The following TMEM116 variants were observed in gnomAD, a reference collection of about 807,000 sequenced individuals.
TMEM116 encodes transmembrane protein 116.
TMEM116 carries 38 observed loss-of-function variants against 44.3 expected under a neutral mutation model. The observed-to-expected ratio is 0.86, with a 90% CI of 0.66 to 1.12. The LOEUF is 1.12. Among genes scored for constraint, TMEM116 ranks in the 50% most tolerant of loss-of-function variants. The pLI is 0.00. For missense variants in TMEM116, 354 were observed against 401.7 expected (o/e 0.88, Z 1.01); for synonymous variants, 132 against 144.8 (o/e 0.91, Z 0.64).
Position 111,940,334 on chromosome 12 carries a change from A to C in TMEM116, c.316-2124T>G, listed in dbSNP as rs145681917. Among the ~76,000 whole-genome samples the C allele has an allele frequency of 4.7e-3, 703 of 150,144 alleles. 7 individuals carry two copies. The highest frequency in any genetic ancestry group is 0.016 in the African/African-American group (643 of 41,102). On this transcript the variant is annotated intron_variant, in intron 5 of 10. Coordinates refer to ENST00000552374, the MANE Select transcript of TMEM116 (RefSeq NM_001193531.2). ...TCTTCATATATATATATCTATACAT[A>C]TAAAATACTTTTTCCTCTTTGGGTT...
chr12:111,990,176 A>G (rs1457401484), intron 4 of TMEM116, among the ~76,000 whole-genome samples: 1 of 151,188 alleles, frequency 6.6e-6, no homozygotes, highest in Admixed American at 6.6e-5. Flanking sequence ...AATGGTGTGA[A>G]CCCGGGAGGT....
chr12:111,937,529 AAGTGAGTC>A (rs2072261173), intron 6 of TMEM116, among the ~76,000 whole-genome samples: 1 of 152,210 alleles, frequency 6.6e-6, no homozygotes, highest in African/African-American at 2.4e-5. Context: ...ATAAAAATGC[AAGTGAGTC>A]AGAGTGAAAG....
intron 4 of TMEM116, among the ~76,000 whole-genome samples, chr12:111,970,248 C>T (rs1009664593): frequency 1.3e-5 from 2 of 151,278 alleles, no homozygotes; most frequent in African/African-American, 4.9e-5. Context: ...CATGCCACTA[C>T]CCTACACCCT....
intron 4 of TMEM116, among the ~76,000 whole-genome samples, chr12:111,971,441 A>C (rs1483578095): frequency 6.6e-6 from 1 of 152,082 alleles, no homozygotes; most frequent in Non-Finnish European, 1.5e-5. Context: ...ATATCACTTA[A>C]AGTTTAACTG....
rs2071665569 is a variant in TMEM116 at position 111,931,784 on chromosome 12, T to C, written c.851A>G (p.Tyr284Cys). ...GTGGAATTTGTGCTGCGTCCAGCCA[T>C]ATACTCCACAGTTGAGTAGACCCTG... ...TSQGLLNCGV[Y>C]GWTQHKFHQL... Residue 284 changes from tyrosine to cysteine, a missense_variant, in exon 11 of 11, where the codon TAT becomes TGT. Transcript: ENST00000552374. 1.9e-6 allele frequency: 3 copies of C among 1,587,630 alleles called. No individual in the cohort carries two copies. The highest frequency in any genetic ancestry group is 1.7e-6 in the Non-Finnish European group (2 of 1,167,862).
At chr12:111,934,874 T>G (rs1009700449) in intron 8 of TMEM116, 1 of 152,194 alleles carries the variant, frequency 6.6e-6, no homozygotes, top group Non-Finnish European at 1.5e-5. Flanking sequence ...TATAAATCAG[T>G]TCAAAAGTCC....
chr12:111,993,693 AG>A (rs776530353), intron 3 of TMEM116: 6 of 614,924 alleles, frequency 9.8e-6, no homozygotes, highest in Non-Finnish European at 1.9e-5. Flanking sequence ...CCTGCTTTTA[AG>A]GTACTGTTGA....
intron 3 of TMEM116, among the ~76,000 whole-genome samples, chr12:112,003,401 T>G (rs963974139): frequency 6.6e-6 from 1 of 152,084 alleles, no homozygotes; most frequent in African/African-American, 2.4e-5. Flanking sequence ...ACCCTGTCTC[T>G]ACCAAAAATA....
intron 1 of TMEM116, chr12:112,005,863 T>C: frequency 1.1e-6 from 1 of 924,554 alleles, no homozygotes; most frequent in South Asian, 5.0e-5. Flanking sequence ...GTTAGTAGTA[T>C]GAAAAGAGAT....
intron 4 of TMEM116, chr12:111,965,729 G>A (rs915589712): frequency 5.1e-6 from 2 of 393,018 alleles, no homozygotes; most frequent in Admixed American, 3.0e-5. Flanking sequence ...TTCAGGACCA[G>A]CCTGGCAAAC....
intron 4 of TMEM116, among the ~76,000 whole-genome samples, chr12:111,961,212 C>G (rs2074567086): frequency 6.6e-6 from 1 of 152,084 alleles, no homozygotes; most frequent in African/African-American, 2.4e-5. Context: ...AGTCCAGGAC[C>G]AGACAGATTC....
rs746456861 is a variant in TMEM116, at chr12:111,931,622, C to T, written c.1013G>A (p.Ter338=). ...TFPASTSTIF[*] ...CCTGGATGTTCCAGTATTGTAGTTT[C>T]AAAAAATGGTAGAAGTACTGGCAGG... The change falls in exon 11 of 11, where the codon TGA becomes TAA. Residue 338 remains the stop codon, a stop_retained_variant. Transcript: ENST00000552374. The T allele has an allele frequency of 4.3e-6, 7 of 1,613,728 alleles. No individual in the cohort carries two copies. The highest frequency in any genetic ancestry group is 5.9e-6 in the Non-Finnish European group (7 of 1,179,718).
intron 1 of TMEM116, among the ~76,000 whole-genome samples, chr12:112,009,384 T>C: frequency 6.6e-6 from 1 of 151,944 alleles, no homozygotes; most frequent in South Asian, 2.1e-4. Context: ...AATAACTAAA[T>C]TAAAGGCAAA....
chr12:111,947,473 T>C (rs1298976384), intron 4 of TMEM116, among the ~76,000 whole-genome samples: 2 of 152,166 alleles, frequency 1.3e-5, no homozygotes, highest in Non-Finnish European at 2.9e-5. Flanking sequence ...GTAAGTGATG[T>C]TAGATCTACT....
intron 3 of TMEM116, among the ~76,000 whole-genome samples, chr12:111,995,669 C>T (rs982634295): frequency 4.6e-5 from 7 of 151,782 alleles, no homozygotes; most frequent in Admixed American, 1.3e-4. Flanking sequence ...ACCCAGGAGG[C>T]GGAGGTTGCA....
chr12:111,996,581 ACAAC>A (rs1331583809), intron 3 of TMEM116, among the ~76,000 whole-genome samples: 3 of 152,316 alleles, frequency 2.0e-5, no homozygotes, highest in East Asian at 3.9e-4. Context: ...CACTGCTGGC[ACAAC>A]CAGTTGGAAA....
chr12:111,994,368 T>C (rs1045117507), intron 3 of TMEM116, among the ~76,000 whole-genome samples: 1 of 152,166 alleles, frequency 6.6e-6, no homozygotes, highest in African/African-American at 2.4e-5. Context: ...AACGGGGCTC[T>C]TTCTTTGTTC....
chr12:111,986,550 C>G (rs1593544232), intron 4 of TMEM116, among the ~76,000 whole-genome samples: 1 of 152,158 alleles, frequency 6.6e-6, no homozygotes, highest in South Asian at 2.1e-4. Flanking sequence ...TGGCTCACGC[C>G]TGTAATCCCA....
At chr12:111,970,186 T>G (rs916201059) in intron 4 of TMEM116, among the ~76,000 whole-genome samples, 1 of 149,974 alleles carries the variant, frequency 6.7e-6, no homozygotes, top group Non-Finnish European at 1.5e-5. Flanking sequence ...GGCTGAGGCA[T>G]AAGAATCACT....
Sources: gnomAD v4.1 joint callset for allele counts (sites outside exome capture counted in the v4.1 genomes callset) on GRCh38, gnomAD v4.1.1 for gene constraint, MANE v1.5 for transcripts, NCBI Gene and HGNC (gene_info 2026-07-23, HGNC 2026-07-21) for gene names.